NXN: variants seen among roughly 807,000 people sequenced by gnomAD.
NXN encodes nucleoredoxin.
NXN carries 16 observed loss-of-function variants against 48.6 expected under a neutral mutation model. The observed-to-expected ratio is 0.33, with a 90% confidence interval of 0.22 to 0.50. NXN has a LOEUF of 0.50. NXN is among the 20% of genes least tolerant of loss of function. The pLI is 0.98. For missense variants in NXN, 492 were observed against 605.5 expected, an observed-to-expected ratio of 0.81 and a Z score of 1.97; for synonymous variants, 281 against 269.6, an observed-to-expected ratio of 1.04 and a Z score of -0.41.
Position 958,163 on chromosome 17 carries a change from T to G in NXN, c.360+21156A>C, listed in dbSNP as rs2069192666. On this transcript the variant is annotated intron_variant, in intron 1 of 7. Transcript: ENST00000336868. The surrounding 1 kb of genome is among the most constrained non-coding windows in gnomAD (Gnocchi z 6.9). ...TCTGTCTTAATCCACTGGACTACCC[T>G]CCCCCTCGTTTGAAAAGGTCACTTG... Among the ~76,000 whole-genome samples, 2 of 152,162 alleles carry G rather than the reference T, an allele frequency of 1.3e-5. No individual in the cohort carries two copies. Among genetic ancestry groups the G allele is most frequent in the African/African-American group, 2.4e-5 (1 of 41,536 alleles).
chr17:802,871 G>C (rs1391464512), intron 7 of NXN, among the ~76,000 whole-genome samples: 3 of 144,124 alleles, frequency 2.1e-5, no homozygotes, highest in African/African-American at 7.5e-5. Context: ...ACAGGGCTCT[G>C]ACCAACTGGA....
intron 1 of NXN, chr17:877,801 G>C (rs561105251): frequency 1.3e-5 from 2 of 152,260 alleles, no homozygotes; most frequent in Non-Finnish European, 2.9e-5. Context: ...AGAATGAACC[G>C]GTTTTCACCA....
intron 1 of NXN, among the ~76,000 whole-genome samples, chr17:909,457 T>C (rs2068613328): frequency 6.6e-6 from 1 of 151,938 alleles, no homozygotes; most frequent in African/African-American, 2.4e-5. Flanking sequence ...CGAAAACCTG[T>C]TCTGACATGA....
At chr17:827,274 C>T (rs954354343) in intron 1 of NXN, among the ~76,000 whole-genome samples, 51 of 151,604 alleles carry the variant, frequency 3.4e-4, no homozygotes, top group African/African-American at 1.0e-3. Flanking sequence ...GTCAGGAGAT[C>T]GAGACCATCC....
At chr17:909,375 C>T (rs1015075520) in intron 1 of NXN, among the ~76,000 whole-genome samples, 16 of 152,082 alleles carry the variant, frequency 1.1e-4, no homozygotes, top group Non-Finnish European at 1.9e-4. Context: ...AGAGGAATAG[C>T]GTTCCCTTAG....
intron 5 of NXN, among the ~76,000 whole-genome samples, chr17:806,449 G>T (rs979219812): frequency 6.6e-6 from 1 of 152,004 alleles, no homozygotes; most frequent in African/African-American, 2.4e-5. Context: ...GGTGCACGTG[G>T]GTTTTCTGTG....
intron 1 of NXN, among the ~76,000 whole-genome samples, chr17:867,866 C>T (rs1436377798): frequency 6.7e-6 from 1 of 149,960 alleles, no homozygotes; most frequent in Non-Finnish European, 1.5e-5. Context: ...GTGGAGGCTG[C>T]AGTAAGCCGA....
intron 5 of NXN, among the ~76,000 whole-genome samples, chr17:810,218 C>A (rs1193533634): frequency 6.9e-4 from 51 of 73,494 alleles, no homozygotes; most frequent in Admixed American, 9.6e-4. Context: ...GTGCACGTTA[C>A]GAGTCCGTGT....
chr17:880,148 C>T (rs1408360476), intron 1 of NXN: 1 of 152,140 alleles, frequency 6.6e-6, no homozygotes, highest in Non-Finnish European at 1.5e-5. Context: ...GAAAAAAGGT[C>T]TTTATCCTTA....
rs1206988266 is a variant in NXN, at chr17:835,318, A to AG, written c.361-9241_361-9240insC. On this transcript the variant is annotated intron_variant, in intron 1 of 7. Coordinates refer to ENST00000336868, the MANE Select transcript of NXN (RefSeq NM_022463.5). ...CCGAGACTCTGTTTCAAAAAAAAAA[A>AG]AAAAAGAAAACGTCATAGCAAACCC... 1.1e-4 allele frequency among the ~76,000 whole-genome samples: 17 copies of AG among 151,886 alleles called. No homozygotes were observed. In the East Asian group the frequency reaches 2.9e-3, roughly 26 times the overall value.
At chr17:808,013 TG>T (rs1246691865) in intron 5 of NXN, among the ~76,000 whole-genome samples, 2 of 152,176 alleles carry the variant, frequency 1.3e-5, no homozygotes, top group East Asian at 3.9e-4. Context: ...ACAGTAGGGA[TG>T]GGGGTCACCC....
intron 5 of NXN, among the ~76,000 whole-genome samples, chr17:815,759 G>T (rs576636402): frequency 6.6e-6 from 1 of 152,318 alleles, no homozygotes; most frequent in African/African-American, 2.4e-5. Context: ...AGATAAAAAC[G>T]TTCTTCTTGG....
intron 1 of NXN, among the ~76,000 whole-genome samples, chr17:939,936 A>G (rs2068951947): frequency 2.2e-5 from 3 of 134,612 alleles, no homozygotes. Flanking sequence ...TCCCGCTTCC[A>G]GTATTACCTT....
intron 1 of NXN, among the ~76,000 whole-genome samples, chr17:949,959 A>G (rs1212284562): frequency 6.6e-6 from 1 of 152,052 alleles, no homozygotes; most frequent in Non-Finnish European, 1.5e-5. Flanking sequence ...GCCAGAAGCA[A>G]TTAGCCCCAG....
At chr17:806,661 G>A (rs1452999606) in intron 5 of NXN, among the ~76,000 whole-genome samples, 1 of 152,120 alleles carries the variant, frequency 6.6e-6, no homozygotes, top group African/African-American at 2.4e-5. Flanking sequence ...AATATTTATA[G>A]ATTCCCAAGG....
chr17:875,596 G>GTGTTTT (rs1298973278), intron 1 of NXN, among the ~76,000 whole-genome samples: 5 of 151,602 alleles, frequency 3.3e-5, no homozygotes, highest in Non-Finnish European at 7.4e-5. Context: ...TTTGGTTGTG[G>GTGTTTT]TGTTTTTGTT....
chr17:922,709 T>C (rs1326790846), intron 1 of NXN, among the ~76,000 whole-genome samples: 1 of 151,886 alleles, frequency 6.6e-6, no homozygotes, highest in Non-Finnish European at 1.5e-5. Context: ...TGGAGTGCAG[T>C]GGTGCGATCT....
intron 1 of NXN, among the ~76,000 whole-genome samples, chr17:835,266 C>T (rs1420281646): frequency 6.6e-6 from 1 of 150,652 alleles, no homozygotes; most frequent in Non-Finnish European, 1.5e-5. Context: ...TGAGATCGTG[C>T]CACTGCACTC....
At chr17:926,235 T>C (rs945958659) in intron 1 of NXN, among the ~76,000 whole-genome samples, 1 of 152,144 alleles carries the variant, frequency 6.6e-6, no homozygotes, top group Non-Finnish European at 1.5e-5. Flanking sequence ...ACCCAGGCCG[T>C]AGTGCAGTGG....
Sources: allele counts gnomAD v4.1 joint callset (sites outside exome capture counted in the v4.1 genomes callset), GRCh38; gene constraint gnomAD v4.1.1; non-coding constraint Gnocchi (gnomAD v3.1); transcripts MANE v1.5; gene names NCBI Gene and HGNC (gene_info 2026-07-23, HGNC 2026-07-21).